The following NTM variants were observed in gnomAD, a reference collection of about 807,000 sequenced individuals.
NTM encodes neurotrimin, also known as IgLON family member 2.
Under a neutral mutation model 42.1 loss-of-function variants are expected in NTM, and 13 were observed. The ratio of observed to expected loss-of-function variants is 0.31; its 90% CI spans 0.20 to 0.49. NTM has a LOEUF of 0.49. NTM is among the 20% of genes least tolerant of loss of function. The probability of loss-of-function intolerance (pLI) is 0.99; values close to 1 mark genes in which losing one functional copy is unlikely to be tolerated. For missense variants in NTM, 373 were observed against 452.8 expected, an observed-to-expected ratio of 0.82 and a Z score of 1.60; for synonymous variants, 187 against 179.2, an observed-to-expected ratio of 1.04 and a Z score of -0.35.
At chr11:131,379,169 G>A (rs888775217) in intron 1 of NTM, among the ~76,000 whole-genome samples, 4 of 152,176 alleles carry the variant, frequency 2.6e-5, no homozygotes, top group Admixed American at 2.0e-4. Flanking sequence ...GGCTGGGAGG[G>A]AGGCTCAGAG....
At chr11:132,212,423 G>A (rs2083016990) in intron 4 of NTM, among the ~76,000 whole-genome samples, 1 of 152,184 alleles carries the variant, frequency 6.6e-6, no homozygotes, top group South Asian at 2.1e-4. Context: ...TGTTCTGGGT[G>A]AACTTTACAT....
chr11:132,212,166 G>T lies in NTM; in HGVS notation c.526+19G>T. On this transcript the variant is annotated intron_variant, in intron 4 of 8. Coordinates refer to ENST00000683400, the MANE Select transcript of NTM (RefSeq NM_001352005.2). ...CCCAAAGGTAAGAGAACAGTTTGTT[G>T]CATTGCATCATGAGGATAAATGGGG... 1 of 1,604,712 alleles carries T rather than the reference G, an allele frequency of 6.2e-7. No homozygotes were observed.
Position 131,803,472 on chromosome 11 carries a change from C to A in NTM, c.83-108092C>A, listed in dbSNP as rs183780030. 1.8e-3 allele frequency among the ~76,000 whole-genome samples: 269 copies of A among 152,176 alleles called. 1 individual carries two copies. The highest frequency in any genetic ancestry group is 6.1e-3 in the African/African-American group (254 of 41,510). On this transcript the variant is annotated intron_variant, in intron 1 of 8. Coordinates refer to ENST00000683400, the MANE Select transcript of NTM (RefSeq NM_001352005.2). The stretch of plus-strand genomic sequence containing the variant: ...TACAGGTGTGCACCACCACACCCAG[C>A]TAATTTTTATATTTTTAAGTAGAGA...
chr11:131,656,025 G>T (rs2067141417), intron 1 of NTM, among the ~76,000 whole-genome samples: 1 of 152,210 alleles, frequency 6.6e-6, no homozygotes, highest in Non-Finnish European at 1.5e-5. Context: ...CCAGTGGTCA[G>T]TTCCCCCTGC....
intron 1 of NTM, among the ~76,000 whole-genome samples, chr11:131,763,467 A>G (rs762448271): frequency 6.6e-5 from 10 of 152,168 alleles, no homozygotes; most frequent in Non-Finnish European, 1.3e-4. Context: ...ATTTTGAGAT[A>G]ATTTAAAACA....
rs992210881 is a variant in NTM, at chr11:131,433,014, C to T, written c.82+62126C>T. Among the ~76,000 whole-genome samples the T allele has an allele frequency of 2.0e-5, 3 of 151,494 alleles. No homozygotes were observed. The East Asian group carries it at 5.8e-4, about 29-fold the overall frequency. ...GGACTGCAGGCGCCCGCCACCACGC[C>T]CGGCTAATTTTTTGTATTCTTTTTA... On this transcript the variant is annotated intron_variant, in intron 1 of 8. Coordinates refer to ENST00000683400, the MANE Select transcript of NTM (RefSeq NM_001352005.2).
chr11:132,063,904 C>T (rs1443613079), intron 2 of NTM, among the ~76,000 whole-genome samples: 1 of 152,208 alleles, frequency 6.6e-6, no homozygotes, highest in Non-Finnish European at 1.5e-5. Context: ...TTAGTCAACT[C>T]TCCAGAGAGT....
At chr11:131,576,011 C>T (rs559265300) in intron 1 of NTM, among the ~76,000 whole-genome samples, 1 of 152,240 alleles carries the variant, frequency 6.6e-6, no homozygotes, top group East Asian at 1.9e-4. Flanking sequence ...TTCCTTCGTG[C>T]TCAATAGGCA....
chr11:132,310,680 T>TATCA (rs1325952841), intron 6 of NTM, among the ~76,000 whole-genome samples: 4 of 152,282 alleles, frequency 2.6e-5, no homozygotes, highest in South Asian at 2.1e-4. Flanking sequence ...TTCCAGACAC[T>TATCA]ATCAGTAGCG....
chr11:131,661,669 C>T (rs2068092594), intron 1 of NTM, among the ~76,000 whole-genome samples: 1 of 152,110 alleles, frequency 6.6e-6, no homozygotes, highest in African/African-American at 2.4e-5. Context: ...CTTGGTCAGT[C>T]AAGAAAGGCG....
intron 2 of NTM, among the ~76,000 whole-genome samples, chr11:131,926,099 C>T (rs1277657729): frequency 2.3e-5 from 2 of 87,208 alleles, no homozygotes; most frequent in Admixed American, 1.5e-4. Flanking sequence ...AGGGTTGCAA[C>T]TTGTATGGAT....
rs1223266598 is a variant in NTM at position 131,500,573 on chromosome 11, ATATATTTTTTT to A, written c.82+129687_82+129697del. Among the ~76,000 whole-genome samples, 253 of 39,754 alleles carry A rather than the reference ATATATTTTTTT, an allele frequency of 6.4e-3. 2 individuals carry two copies. The highest frequency in any genetic ancestry group is 0.017 in the African/African-American group (214 of 12,534). The allele number at this position is 39,754 out of a possible 152,430, so 26.1% of individuals were successfully genotyped here. ...TATATATATATATATATATATATAT[ATATATTTTTTT>A]TTTTTTTTTTTGTATTATACTTTAA... is the stretch of plus-strand genomic sequence containing the variant. On this transcript the variant is annotated intron_variant, in intron 1 of 8. Transcript: ENST00000683400.
At chr11:131,424,422 A>G (rs540595292) in intron 1 of NTM, among the ~76,000 whole-genome samples, 1 of 151,998 alleles carries the variant, frequency 6.6e-6, no homozygotes, top group South Asian at 2.1e-4. Context: ...TGTACGAACC[A>G]CTTAGACCCA....
In NTM at chr11:132,017,079, C is replaced by T. The variant is rs1022293910; in HGVS notation, c.167+105431C>T. ...TGATTTGCAAATATATTTTCCCAGT[C>T]TCTGAGGGCTTTTCTTTTCATTTTT... is the stretch of plus-strand genomic sequence containing the variant. On this transcript the variant is annotated intron_variant, in intron 2 of 8. Coordinates refer to ENST00000683400, the MANE Select transcript of NTM (RefSeq NM_001352005.2). Among the ~76,000 whole-genome samples, 64 of 151,892 alleles carry T rather than the reference C, an allele frequency of 4.2e-4. 1 individual carries two copies. The highest frequency in any genetic ancestry group is 2.9e-3 in the East Asian group (15 of 5,180).
At chr11:132,226,309 C>A (rs1248139919) in intron 4 of NTM, among the ~76,000 whole-genome samples, 1 of 152,204 alleles carries the variant, frequency 6.6e-6, no homozygotes, top group Admixed American at 6.5e-5. Context: ...AATGGTTGAA[C>A]TAATTTACAC....
chr11:131,720,778 C>T (rs745541159), intron 1 of NTM, among the ~76,000 whole-genome samples: 3 of 152,114 alleles, frequency 2.0e-5, no homozygotes, highest in Admixed American at 1.3e-4. Context: ...GTTCTCATTC[C>T]GTCTCTACCA....
intron 1 of NTM, among the ~76,000 whole-genome samples, chr11:131,721,421 G>T (rs2078319013): frequency 1.3e-5 from 2 of 152,034 alleles, no homozygotes; most frequent in South Asian, 4.1e-4. Flanking sequence ...GGATAAGAGT[G>T]CCTCCTTCAT....
intron 1 of NTM, chr11:131,573,746 C>T (rs1427396552): frequency 6.6e-6 from 1 of 152,230 alleles, no homozygotes. Flanking sequence ...CCCGTACTGT[C>T]TCTCCATGGA....
intron 2 of NTM, among the ~76,000 whole-genome samples, chr11:132,142,356 C>T (rs1321815092): frequency 6.6e-6 from 1 of 152,168 alleles, no homozygotes; most frequent in Non-Finnish European, 1.5e-5. Flanking sequence ...AGGTGAGATA[C>T]CGTACCGTGT....
Sources: gnomAD v4.1 joint callset for allele counts (sites outside exome capture counted in the v4.1 genomes callset) on GRCh38, gnomAD v4.1.1 for gene constraint, MANE v1.5 for transcripts, NCBI Gene and HGNC (gene_info 2026-07-23, HGNC 2026-07-21) for gene names.